KIAA1671: variants seen among roughly 807,000 people sequenced by gnomAD.
The protein encoded by KIAA1671 is KIAA1671.
KIAA1671 carries 52 observed loss-of-function variants against 131.2 expected under a neutral mutation model. The ratio of observed to expected loss-of-function variants is 0.40; its 90% confidence interval spans 0.32 to 0.50. The LOEUF is 0.50. Ranked by LOEUF, KIAA1671 falls within the 20% of genes least tolerant of loss-of-function variation. The pLI is 0.73. For synonymous variants in KIAA1671, 1,003 were observed against 961.6 expected, an observed-to-expected ratio of 1.04 and a Z score of -0.80; for missense variants, 2,360 against 2,364.2, an observed-to-expected ratio of 1.00 and a Z score of 0.04.
chr22:25,036,089 A>AT (rs1256531687), intron 4 of KIAA1671, among the ~76,000 whole-genome samples: 1 of 151,902 alleles, frequency 6.6e-6, no homozygotes, highest in Non-Finnish European at 1.5e-5. Context: ...TTATTTATTT[A>AT]TTTTTTTAGA....
chr22:25,181,477 C>T (rs1048962913), intron 9 of KIAA1671, among the ~76,000 whole-genome samples: 1 of 152,222 alleles, frequency 6.6e-6, no homozygotes. Context: ...AGAAAACCTA[C>T]TCTGCCTGTT....
intron 6 of KIAA1671, among the ~76,000 whole-genome samples, chr22:25,169,311 T>G (rs2146009564): frequency 6.6e-6 from 1 of 150,538 alleles, no homozygotes; most frequent in South Asian, 2.1e-4. Context: ...CCCAGCTACT[T>G]GGGAGTCTCA....
chr22:24,985,744 GTGTA>G (rs1429583527), intron 1 of KIAA1671, among the ~76,000 whole-genome samples: 3 of 151,038 alleles, frequency 2.0e-5, no homozygotes, highest in East Asian at 3.9e-4. Flanking sequence ...GAGTGTGTGT[GTGTA>G]TGTGTGTGTG....
Position 25,193,338 on chromosome 22 carries a change from C to T in KIAA1671, c.*937C>T, listed in dbSNP as rs1601400547. On this transcript the variant is annotated 3_prime_UTR_variant, in exon 13 of 13. Transcript: ENST00000358431. ...CCTTAAGGGTTCATAAACTGCAGCC[C>T]AAGTGGTGGTGCCTTTGCTTATGAA... 1 of 152,268 alleles carries T rather than the reference C, an allele frequency of 6.6e-6. No individual in the cohort carries two copies. Among genetic ancestry groups the T allele is most frequent in the East Asian group, 1.9e-4 (1 of 5,180 alleles). 9.4% of individuals were successfully genotyped at this position (152,268 alleles called of 1,614,324 possible).
intron 1 of KIAA1671, among the ~76,000 whole-genome samples, chr22:24,989,925 G>A (rs1390921549): frequency 6.6e-6 from 1 of 152,102 alleles, no homozygotes; most frequent in African/African-American, 2.4e-5. Context: ...TGGGTTTTGG[G>A]ATCAAGGCAG....
intron 6 of KIAA1671, among the ~76,000 whole-genome samples, chr22:25,106,173 G>A (rs1317160361): frequency 1.3e-5 from 2 of 152,166 alleles, no homozygotes; most frequent in African/African-American, 4.8e-5. Flanking sequence ...ACTGGGGCAG[G>A]GGACAAAGCT....
At chr22:25,002,550 A>G (rs997343181) in intron 1 of KIAA1671, among the ~76,000 whole-genome samples, 2 of 152,174 alleles carry the variant, frequency 1.3e-5, no homozygotes, top group African/African-American at 2.4e-5. Context: ...TCCCACAGCC[A>G]AAAACCAAGC....
chr22:25,140,358 G>A (rs1932788631), intron 6 of KIAA1671, among the ~76,000 whole-genome samples: 2 of 152,116 alleles, frequency 1.3e-5, no homozygotes, highest in South Asian at 2.1e-4. Context: ...TGCTAGCAAG[G>A]TAGGGTTTTC....
intron 6 of KIAA1671, among the ~76,000 whole-genome samples, chr22:25,083,302 ACAGT>A: frequency 6.6e-6 from 1 of 152,322 alleles, no homozygotes; most frequent in Non-Finnish European, 1.5e-5. Context: ...AATGACGTTA[ACAGT>A]CAGATTGGAT....
intron 6 of KIAA1671, among the ~76,000 whole-genome samples, chr22:25,134,063 C>T (rs185355448): frequency 2.0e-5 from 3 of 152,302 alleles, no homozygotes; most frequent in East Asian, 1.9e-4. Context: ...AAGGTGACAC[C>T]GCCTCTTTGG....
At chr22:25,159,254 C>T (rs577838377) in intron 6 of KIAA1671, among the ~76,000 whole-genome samples, 21 of 152,294 alleles carry the variant, frequency 1.4e-4, no homozygotes, top group African/African-American at 2.6e-4. Flanking sequence ...CTTTGGGTAA[C>T]GCTTGTCCCA....
chr22:25,110,199 AAG>A (rs1228548465), intron 6 of KIAA1671: 1 of 152,218 alleles, frequency 6.6e-6, no homozygotes, highest in Non-Finnish European at 1.5e-5. Flanking sequence ...ATAGAAAAGA[AAG>A]AGATCTGTTG....
intron 1 of KIAA1671, among the ~76,000 whole-genome samples, chr22:24,956,461 G>A (rs1921705265): frequency 6.6e-6 from 1 of 152,200 alleles, no homozygotes; most frequent in African/African-American, 2.4e-5. Flanking sequence ...TGCAACTAGT[G>A]AATATTTGGG....
At chr22:25,132,802 C>A (rs1932501722) in intron 6 of KIAA1671, among the ~76,000 whole-genome samples, 1 of 152,158 alleles carries the variant, frequency 6.6e-6, no homozygotes, top group South Asian at 2.1e-4. Context: ...CGCCTGTAAT[C>A]CCAGCACTTT....
At chr22:25,190,855 C>A in intron 12 of KIAA1671, 71 bp downstream of exon 12, 1 of 1,063,786 alleles carries the variant, frequency 9.4e-7, no homozygotes, top group Non-Finnish European at 1.4e-6. Flanking sequence ...TCAGGGGGGC[C>A]ACGCTTCAGA....
At chr22:25,168,695 GA>G (rs113211396) in intron 6 of KIAA1671, among the ~76,000 whole-genome samples, 61 of 144,360 alleles carry the variant, frequency 4.2e-4, no homozygotes, top group South Asian at 8.8e-4. Context: ...TCCATCTAGG[GA>G]AAAAAAAAAA....
intron 6 of KIAA1671, among the ~76,000 whole-genome samples, chr22:25,149,309 C>T (rs76070775): frequency 0.014 from 2,148 of 152,308 alleles, 51 homozygotes; most frequent in African/African-American, 0.049. Context: ...CCTGAATCCT[C>T]GTGACCTTCA....
At chr22:25,012,236 CTGT>C (rs932524751) in intron 1 of KIAA1671, 1 of 151,798 alleles carries the variant, frequency 6.6e-6, no homozygotes, top group Non-Finnish European at 1.5e-5. Context: ...AACCCTTGTA[CTGT>C]TGTTTTATTT....
chr22:25,078,856 G>A (rs1041680520), intron 6 of KIAA1671, among the ~76,000 whole-genome samples: 5 of 152,112 alleles, frequency 3.3e-5, no homozygotes, highest in African/African-American at 4.8e-5. Context: ...AGCTGTGGGC[G>A]CCTTTTTAGA....
Sources: allele counts gnomAD v4.1 joint callset (sites outside exome capture counted in the v4.1 genomes callset), GRCh38; gene constraint gnomAD v4.1.1; transcripts MANE v1.5; gene names NCBI Gene and HGNC (gene_info 2026-07-23, HGNC 2026-07-21).